SAMTOR: variants seen among roughly 807,000 people sequenced by gnomAD.
SAMTOR encodes UPF0532 protein C7orf60.
At chr7:112,845,617 T>C in the SAMTOR span, among the ~76,000 whole-genome samples, 1 of 152,094 alleles carries the variant, frequency 6.6e-6, no homozygotes, top group East Asian at 1.9e-4. Flanking sequence ...GAAAAGAAAA[T>C]GCTTATACAC....
At chr7:112,821,583 A>G in the SAMTOR span, 4,429 of 601,930 alleles carry the variant, frequency 7.4e-3, 143 homozygotes, top group African/African-American at 0.077. Flanking sequence ...TATAAGAATA[A>G]ATTTTAAAAT....
At chr7:112,897,088 C>G in the SAMTOR span, among the ~76,000 whole-genome samples, 10 of 152,138 alleles carry the variant, frequency 6.6e-5, no homozygotes, top group African/African-American at 2.4e-4. Context: ...ACACAAGATC[C>G]ACAGGCCAAT....
At chr7:112,894,088 A>G in the SAMTOR span, among the ~76,000 whole-genome samples, 2 of 151,598 alleles carry the variant, frequency 1.3e-5, no homozygotes, top group African/African-American at 4.9e-5. Context: ...GTATACTTAA[A>G]GGCCATTGTA....
At chr7:112,936,178 CTATCTTATGAA>C in the SAMTOR span, among the ~76,000 whole-genome samples, 575 of 152,162 alleles carry the variant, frequency 3.8e-3, 2 homozygotes, top group Non-Finnish European at 6.3e-3. Flanking sequence ...AGTGAAAAAC[CTATCTTATGAA>C]TATCTTATGA....
chr7:112,863,738 C>T, the SAMTOR span, among the ~76,000 whole-genome samples: 2 of 152,034 alleles, frequency 1.3e-5, no homozygotes, highest in South Asian at 2.1e-4. Flanking sequence ...TACCATCTCA[C>T]GTCGGTCAGA....
the SAMTOR span, chr7:112,939,301 GACA>G: frequency 2.1e-6 from 1 of 483,478 alleles, no homozygotes; most frequent in African/African-American, 2.0e-5. Flanking sequence ...TGTGTGCCGA[GACA>G]ACAACCTCAG....
the SAMTOR span, among the ~76,000 whole-genome samples, chr7:112,838,116 C>A: frequency 6.6e-6 from 1 of 151,942 alleles, no homozygotes; most frequent in Admixed American, 6.6e-5. Flanking sequence ...TGTGAGAGAG[C>A]GGAAACAAGG....
chr7:112,888,766 T>C, the SAMTOR span, among the ~76,000 whole-genome samples: 5 of 152,242 alleles, frequency 3.3e-5, no homozygotes, highest in Non-Finnish European at 7.4e-5. Flanking sequence ...AACTAAAAAG[T>C]TGAATAGTTT....
At chr7:112,885,192 G>C in the SAMTOR span, among the ~76,000 whole-genome samples, 4 of 152,250 alleles carry the variant, frequency 2.6e-5, no homozygotes, top group African/African-American at 9.6e-5. Flanking sequence ...ATCAGCCCAT[G>C]AAACCATTTT....
At chr7:112,924,909 T>A in the SAMTOR span, among the ~76,000 whole-genome samples, 1 of 152,112 alleles carries the variant, frequency 6.6e-6, no homozygotes, top group Non-Finnish European at 1.5e-5. Context: ...AAAATAACTA[T>A]TCATAAAACA....
chr7:112,874,126 A>T, the SAMTOR span, among the ~76,000 whole-genome samples: 2 of 152,172 alleles, frequency 1.3e-5, no homozygotes, highest in Non-Finnish European at 2.9e-5. Flanking sequence ...GCCCACATGA[A>T]AAGTGGTTTG....
At chr7:112,931,595 T>C in the SAMTOR span, among the ~76,000 whole-genome samples, 1 of 152,218 alleles carries the variant, frequency 6.6e-6, no homozygotes, top group African/African-American at 2.4e-5. Context: ...ATTTTCAACT[T>C]TCAAACAAAA....
At chr7:112,927,480 T>A in the SAMTOR span, among the ~76,000 whole-genome samples, 1 of 152,088 alleles carries the variant, frequency 6.6e-6, no homozygotes, top group Non-Finnish European at 1.5e-5. Context: ...TTTATTTTAA[T>A]ATAATGGCAT....
At chr7:112,834,833 T>C in the SAMTOR span, among the ~76,000 whole-genome samples, 2 of 152,064 alleles carry the variant, frequency 1.3e-5, no homozygotes. Context: ...CTCCATCCCA[T>C]TGTATGGGCA....
chr7:112,850,003 T>A, the SAMTOR span, among the ~76,000 whole-genome samples: 1 of 152,142 alleles, frequency 6.6e-6, no homozygotes, highest in East Asian at 1.9e-4. Flanking sequence ...GGTCAGGAGT[T>A]CGAGACCAGC....
chr7:112,857,760 T>C, the SAMTOR span, among the ~76,000 whole-genome samples: 1 of 152,200 alleles, frequency 6.6e-6, no homozygotes, highest in South Asian at 2.1e-4. Context: ...ATGGCCCAAG[T>C]TGCCTGCCCA....
At chr7:112,840,315 C>T in the SAMTOR span, among the ~76,000 whole-genome samples, 1 of 151,912 alleles carries the variant, frequency 6.6e-6, no homozygotes, top group Non-Finnish European at 1.5e-5. Flanking sequence ...ACCTTGAGAA[C>T]ACTTAAAATT....
the SAMTOR span, among the ~76,000 whole-genome samples, chr7:112,860,261 T>C: frequency 1.4e-4 from 22 of 152,148 alleles, no homozygotes; most frequent in African/African-American, 5.1e-4. Context: ...CACACAACGA[T>C]TGACTAATGA....
the SAMTOR span, among the ~76,000 whole-genome samples, chr7:112,849,767 G>A: frequency 2.0e-3 from 307 of 152,288 alleles, 2 homozygotes; most frequent in African/African-American, 7.0e-3. Flanking sequence ...TCTGAGGTAT[G>A]TTCCTGCAAT....
Sources: allele counts gnomAD v4.1 joint callset (sites outside exome capture counted in the v4.1 genomes callset), GRCh38; gene constraint gnomAD v4.1.1; transcripts MANE v1.5; gene names NCBI Gene and HGNC (gene_info 2026-07-23, HGNC 2026-07-21).